Variants in CRY1 observed in about 807,000 individuals in gnomAD.
CRY1 encodes cryptochrome circadian regulator 1.
CRY1 carries 45 observed loss-of-function variants against 76.0 expected under a neutral mutation model. The observed-to-expected ratio is 0.59, with a 90% CI of 0.47 to 0.76. The LOEUF is 0.76. CRY1 is among the 30% of genes least tolerant of loss of function. The pLI is 0.00. For synonymous variants in CRY1, 248 were observed against 244.0 expected (o/e 1.02, Z -0.15); for missense variants, 587 against 716.4 (o/e 0.82, Z 2.06).
chr12:106,993,963 A>T (rs932139598), intron 10 of CRY1, among the ~76,000 whole-genome samples: 1 of 152,184 alleles, frequency 6.6e-6, no homozygotes, highest in African/African-American at 2.4e-5. Flanking sequence ...TCCTGAGCAC[A>T]TGTGCACACA....
At chr12:107,012,487 CACAG>C (rs1952456352) in intron 2 of CRY1, among the ~76,000 whole-genome samples, 1 of 152,212 alleles carries the variant, frequency 6.6e-6, no homozygotes, top group African/African-American at 2.4e-5. Context: ...TATCACTGCT[CACAG>C]ACAAACGTAC....
intron 2 of CRY1, among the ~76,000 whole-genome samples, chr12:107,013,933 A>G (rs2136836716): frequency 6.6e-6 from 1 of 152,338 alleles, no homozygotes; most frequent in South Asian, 2.1e-4. Flanking sequence ...GGCTATTAGA[A>G]AATTTTAAAT....
intron 2 of CRY1, among the ~76,000 whole-genome samples, chr12:107,019,611 A>G (rs576939631): frequency 6.6e-6 from 1 of 152,326 alleles, no homozygotes; most frequent in African/African-American, 2.4e-5. Context: ...TGTTTCAAAA[A>G]CAAGTAAATA....
chr12:107,006,437 T>A (rs1952375756), intron 2 of CRY1, among the ~76,000 whole-genome samples: 1 of 152,090 alleles, frequency 6.6e-6, no homozygotes, highest in Non-Finnish European at 1.5e-5. Flanking sequence ...TGCACACATC[T>A]TACAAATTAT....
rs576571199 is a variant in CRY1, at chr12:107,081,656, T to C, written c.158+11148A>G. The stretch of plus-strand genomic sequence containing the variant: ...CTTTTGATTTAAGAGGCAACTTCTC[T>C]TCAGGAAGGTACTATCTGTTAAGTG... On this transcript the variant is annotated intron_variant, in intron 1 of 12. Coordinates refer to ENST00000008527, the MANE Select transcript of CRY1 (RefSeq NM_004075.5). Among the ~76,000 whole-genome samples, 5 of 152,224 alleles carry C rather than the reference T, an allele frequency of 3.3e-5. No homozygotes were observed. In the South Asian group the frequency reaches 8.3e-4, roughly 25 times the overall value.
Position 107,092,958 on chromosome 12 carries a change from C to A in CRY1, c.4G>T (p.Gly2Trp). The change falls in exon 1 of 13, where the codon GGG becomes TGG. Residue 2 changes from glycine (G) to tryptophan (W), a missense_variant. Physicochemically the swap from Gly to Trp is radical, Grantham distance 184. Transcript: ENST00000008527. M[G>W]VNAVHWFRKG... ...CGGAACCAGTGCACGGCGTTCACCC[C>A]CATGCCGGGGGGCGCGGCGGGTCCT... is the stretch of plus-strand genomic sequence containing the variant. The A allele has an allele frequency of 6.5e-7, 1 of 1,546,130 alleles. No homozygotes were observed. The highest frequency in any genetic ancestry group is 8.7e-7 in the Non-Finnish European group (1 of 1,149,990).
chr12:107,047,995 C>T (rs1372444481), intron 1 of CRY1, among the ~76,000 whole-genome samples: 1 of 151,774 alleles, frequency 6.6e-6, no homozygotes, highest in Non-Finnish European at 1.5e-5. Flanking sequence ...AATTGACAAA[C>T]CAATAGGTAG....
intron 10 of CRY1, among the ~76,000 whole-genome samples, chr12:106,994,823 T>A (rs949360479): frequency 6.6e-6 from 1 of 152,206 alleles, no homozygotes. Flanking sequence ...CACTCATGTG[T>A]GGGCTGACAA....
intron 1 of CRY1, among the ~76,000 whole-genome samples, chr12:107,031,381 T>G (rs1309869627): frequency 6.6e-6 from 1 of 151,972 alleles, no homozygotes; most frequent in Non-Finnish European, 1.5e-5. Context: ...TTTTTTTTTT[T>G]TTTTTGCTTA....
intron 1 of CRY1, among the ~76,000 whole-genome samples, chr12:107,069,613 A>AAAGTATATATATATAAAGTATATATAT (rs1565842756): frequency 3.9e-4 from 29 of 75,286 alleles, no homozygotes; most frequent in Admixed American, 9.9e-4. Context: ...TATATATATA[A>AAAGTATATATATATAAAGTATATATAT]AAAGTATATA....
intron 1 of CRY1, among the ~76,000 whole-genome samples, chr12:107,082,086 T>C (rs759137268): frequency 6.6e-6 from 1 of 151,490 alleles, no homozygotes; most frequent in Non-Finnish European, 1.5e-5. Context: ...CCAAAAAAGA[T>C]AAAAAAAGAC....
intron 1 of CRY1, among the ~76,000 whole-genome samples, chr12:107,078,793 G>A (rs553689186): frequency 2.0e-5 from 3 of 152,220 alleles, no homozygotes; most frequent in African/African-American, 7.2e-5. Context: ...TGTCACAGAG[G>A]CACAAAGTAT....
intron 2 of CRY1, among the ~76,000 whole-genome samples, chr12:107,005,681 A>G (rs1952365297): frequency 6.6e-6 from 1 of 152,180 alleles, no homozygotes; most frequent in Non-Finnish European, 1.5e-5. Context: ...ACCTGAATTT[A>G]TGTCTGTTGA....
intron 2 of CRY1, among the ~76,000 whole-genome samples, chr12:107,012,280 A>G (rs1180005325): frequency 6.6e-6 from 1 of 152,224 alleles, no homozygotes; most frequent in South Asian, 2.1e-4. Flanking sequence ...ATAGCTGGTG[A>G]CTTTAAGTTG....
intron 8 of CRY1, 58 bp downstream of exon 8, chr12:106,997,857 T>G: frequency 6.3e-7 from 1 of 1,585,568 alleles, no homozygotes; most frequent in Admixed American, 1.8e-5. Context: ...TGATTAAACA[T>G]GAAAAGCTCT....
chr12:107,085,012 T>C (rs2136902004), intron 1 of CRY1, among the ~76,000 whole-genome samples: 1 of 148,254 alleles, frequency 6.7e-6, no homozygotes, highest in South Asian at 2.1e-4. Context: ...GTGAAGGATA[T>C]GAACAGACAC....
intron 1 of CRY1, among the ~76,000 whole-genome samples, chr12:107,069,595 ATATAAAGTATATATATAAAAAGTATATAT>A (rs1953156204): frequency 2.4e-5 from 1 of 41,392 alleles, no homozygotes; most frequent in Non-Finnish European, 7.9e-5. Context: ...AAGTATATAT[ATATAAAGTATATATATAAAAAGTATATAT>A]ATATAAAGTA....
intron 1 of CRY1, among the ~76,000 whole-genome samples, chr12:107,032,007 T>C (rs1952681492): frequency 6.6e-6 from 1 of 152,226 alleles, no homozygotes; most frequent in Admixed American, 6.5e-5. Context: ...TGATCTTGGC[T>C]CACTGCAACC....
intron 1 of CRY1, among the ~76,000 whole-genome samples, chr12:107,046,495 A>T (rs1343417550): frequency 6.6e-6 from 1 of 152,172 alleles, no homozygotes; most frequent in African/African-American, 2.4e-5. Flanking sequence ...AGAATACACA[A>T]AACAACTAAC....
Sources: allele counts gnomAD v4.1 joint callset (sites outside exome capture counted in the v4.1 genomes callset), GRCh38; gene constraint gnomAD v4.1.1; transcripts MANE v1.5; gene names NCBI Gene and HGNC (gene_info 2026-07-23, HGNC 2026-07-21).